NEDD4: variants seen among roughly 807,000 people sequenced by gnomAD.
The protein encoded by NEDD4 is E3 ubiquitin-protein ligase NEDD4.
Under a neutral mutation model 144.9 loss-of-function variants are expected in NEDD4, and 99 were observed. The observed-to-expected ratio is 0.68, with a 90% CI of 0.58 to 0.81. The LOEUF (loss-of-function observed/expected upper bound fraction) is 0.81. Among genes scored for constraint, NEDD4 ranks in the 30% least tolerant of loss-of-function variants. The probability of loss-of-function intolerance (pLI) is 0.00; values close to 1 mark genes in which losing one functional copy is unlikely to be tolerated. For synonymous variants in NEDD4, 318 were observed against 350.6 expected (o/e 0.91, Z 1.04); for missense variants, 985 against 1,065.9 (o/e 0.92, Z 1.06).
intron 25 of NEDD4, 33 bp downstream of exon 25, chr15:55,834,194 A>G: frequency 6.2e-7 from 1 of 1,607,666 alleles, no homozygotes. Context: ...TGGGTTCACA[A>G]TTTCTGTTTC....
chr15:55,834,021 T>C lies in NEDD4; in HGVS notation c.2430+17A>G, dbSNP rs775811555. ...TCTATCAAAAAGTAAGTTATGAAAA[T>C]AGAAGTTTCAAATTACCTTCCAAAA... On this transcript the variant is annotated intron_variant, in intron 26 of 28. Transcript: ENST00000435532. 14 of 1,555,746 alleles carry C rather than the reference T, an allele frequency of 9.0e-6. No individual in the cohort carries two copies. Among genetic ancestry groups the C allele is most frequent in the Middle Eastern group, 1.7e-4 (1 of 5,918 alleles).
intron 4 of NEDD4, among the ~76,000 whole-genome samples, chr15:55,938,357 C>G (rs1595860718): frequency 6.6e-6 from 1 of 151,706 alleles, no homozygotes; most frequent in Non-Finnish European, 1.5e-5. Flanking sequence ...CAAAACAAAA[C>G]AAAAAACAAA....
intron 6 of NEDD4, among the ~76,000 whole-genome samples, chr15:55,873,408 A>C (rs1347159798): frequency 1.3e-5 from 2 of 152,194 alleles, no homozygotes; most frequent in Non-Finnish European, 2.9e-5. Flanking sequence ...TTTGCTTTTC[A>C]AAACAAAATG....
At chr15:55,914,590 CATTTTAGAGGGCAGTATT>C (rs2036375997) in intron 5 of NEDD4, among the ~76,000 whole-genome samples, 1 of 151,846 alleles carries the variant, frequency 6.6e-6, no homozygotes, top group Admixed American at 6.6e-5. Context: ...GAGTGAGTTA[CATTTTAGAGGGCAGTATT>C]AACTCGTGGC....
chr15:55,838,195 A>T lies in NEDD4; in HGVS notation c.2128-15T>A. 1 of 1,549,984 alleles carries T rather than the reference A, an allele frequency of 6.5e-7. No homozygotes were observed. The highest frequency in any genetic ancestry group is 8.8e-7 in the Non-Finnish European group (1 of 1,135,084). ...TGTTGATGTGTCTAAAATTAAACAC[A>T]ATAACTTGATATGTTATTTTAGCGA... On this transcript the variant is annotated splice_polypyrimidine_tract_variant and intron_variant, in intron 22 of 28. Transcript: ENST00000435532.
intron 12 of NEDD4, among the ~76,000 whole-genome samples, chr15:55,855,851 C>T (rs543649998): frequency 1.3e-5 from 2 of 152,282 alleles, no homozygotes; most frequent in African/African-American, 4.8e-5. Flanking sequence ...AATTGTATGC[C>T]GTATGCAGCG....
chr15:55,921,130 C>A lies in NEDD4; in HGVS notation c.291+3516G>T, dbSNP rs534873280. ...TAAAGAATTTTCCAAGTATTTTCATCGTCATTGTCTCATTTTATCCTCACA... is the reference window on the plus strand; with the variant it reads ...TAAAGAATTTTCCAAGTATTTTCATAGTCATTGTCTCATTTTATCCTCACA... On this transcript the variant is annotated intron_variant, in intron 5 of 28. Coordinates refer to ENST00000435532, the MANE Select transcript of NEDD4 (RefSeq NM_006154.4). 7.9e-5 allele frequency among the ~76,000 whole-genome samples: 12 copies of A among 152,144 alleles called. No homozygotes were observed. In the South Asian group the frequency reaches 2.5e-3, roughly 32 times the overall value.
rs150427254 is a variant in NEDD4, at chr15:55,897,528, G to A, written c.292-23520C>T. On this transcript the variant is annotated intron_variant, in intron 5 of 28. Transcript: ENST00000435532. ...CACTAGATTCTTAAAGTCCCACTTT[G>A]CCCATTTCAAAAGGGTCAGTATGTT... 7.9e-5 allele frequency among the ~76,000 whole-genome samples: 12 copies of A among 152,228 alleles called. No homozygotes were observed. The East Asian group carries it at 2.3e-3, about 29-fold the overall frequency.
intron 1 of NEDD4, among the ~76,000 whole-genome samples, chr15:55,985,344 G>A (rs562550672): frequency 6.6e-6 from 1 of 152,348 alleles, no homozygotes; most frequent in Non-Finnish European, 1.5e-5. Flanking sequence ...TCGCCAGCAC[G>A]GGGCACTGAG....
intron 5 of NEDD4, chr15:55,915,204 G>T: frequency 1.5e-6 from 2 of 1,328,650 alleles, no homozygotes; most frequent in Non-Finnish European, 2.0e-6. Context: ...AAACTGCTTG[G>T]TTACAATAAA....
chr15:55,930,267 A>C (rs997524554), intron 4 of NEDD4, among the ~76,000 whole-genome samples: 6 of 152,262 alleles, frequency 3.9e-5, no homozygotes, highest in African/African-American at 1.4e-4. Context: ...CAACACCGAA[A>C]ATATTTACTA....
chr15:55,892,523 G>GT (rs1566936301), intron 5 of NEDD4, among the ~76,000 whole-genome samples: 1 of 151,742 alleles, frequency 6.6e-6, no homozygotes, highest in African/African-American at 2.4e-5. Flanking sequence ...AGTATAATTT[G>GT]TTTTTTCAGT....
chr15:55,909,669 T>A (rs1283449297), intron 5 of NEDD4, among the ~76,000 whole-genome samples: 1 of 152,202 alleles, frequency 6.6e-6, no homozygotes, highest in East Asian at 1.9e-4. Flanking sequence ...TGGCTTCTCC[T>A]GGTCTGTCTT....
At chr15:55,897,140 A>AT (rs1227915340) in intron 5 of NEDD4, among the ~76,000 whole-genome samples, 3 of 151,812 alleles carry the variant, frequency 2.0e-5, no homozygotes, top group Non-Finnish European at 4.4e-5. Context: ...TGCCTGGCTA[A>AT]TTTTTTTGTA....
intron 4 of NEDD4, among the ~76,000 whole-genome samples, chr15:55,945,874 T>G (rs901508318): frequency 8.6e-5 from 13 of 151,846 alleles, no homozygotes; most frequent in African/African-American, 2.2e-4. Flanking sequence ...TTAAAGAAAA[T>G]AATTTTGAAT....
chr15:55,840,410 T>G (rs772051090), intron 21 of NEDD4, 37 bp downstream of exon 21: 19 of 1,544,064 alleles, frequency 1.2e-5, no homozygotes, highest in Non-Finnish European at 1.7e-5. Flanking sequence ...GCTTGTTAAA[T>G]TATACTTCGT....
rs1475796631 is a variant in NEDD4 at position 55,860,449 on chromosome 15, G to A, written c.918C>T (p.Thr306=). 6 of 1,614,110 alleles carry A rather than the reference G, an allele frequency of 3.7e-6. No homozygotes were observed. Among genetic ancestry groups the A allele is most frequent in the East Asian group, 2.2e-5 (1 of 44,878 alleles). The change falls in exon 11 of 29, where the codon ACC becomes ACT. Residue 306 remains threonine (T), a synonymous_variant. Transcript: ENST00000435532. Reference sequence around the variant, plus strand: ...GGCTCACGGCTGAATTTCCAAAAATGGTGAGTCTGGCATTCAATTCTTCTG... The same window carrying A: ...GGCTCACGGCTGAATTTCCAAAAATAGTGAGTCTGGCATTCAATTCTTCTG... ...HLAEELNARL[T]IFGNSAVSQP... is the part of the protein sequence containing the mutation.
chr15:55,902,400 G>A (rs762944607), intron 5 of NEDD4, among the ~76,000 whole-genome samples: 2 of 152,092 alleles, frequency 1.3e-5, no homozygotes, highest in African/African-American at 2.4e-5. Flanking sequence ...ATTTTGTCAC[G>A]ACTGCATGGT....
intron 5 of NEDD4, among the ~76,000 whole-genome samples, chr15:55,885,904 G>A (rs1321833816): frequency 1.3e-5 from 2 of 151,300 alleles, no homozygotes; most frequent in Non-Finnish European, 2.9e-5. Context: ...ACATACAGTG[G>A]CTGAATAGAT....
Sources: allele counts gnomAD v4.1 joint callset (sites outside exome capture counted in the v4.1 genomes callset), GRCh38; gene constraint gnomAD v4.1.1; transcripts MANE v1.5; gene names NCBI Gene and HGNC (gene_info 2026-07-23, HGNC 2026-07-21).